THUMPD1: variants seen among roughly 807,000 people sequenced by gnomAD.
THUMPD1 encodes the protein THUMP domain 1 NAT10 acetyltransferase adaptor.
THUMPD1 carries 31 observed loss-of-function variants against 31.6 expected under a neutral mutation model. The observed-to-expected ratio is 0.98, with a 90% confidence interval of 0.74 to 1.32. The LOEUF (loss-of-function observed/expected upper bound fraction) is 1.32, where lower values mean the gene tolerates loss of function less well. THUMPD1 is among the 40% of genes most tolerant of loss of function. THUMPD1 has a pLI of 0.00. For missense variants in THUMPD1, 446 were observed against 427.8 expected, an observed-to-expected ratio of 1.04 and a Z score of -0.38; for synonymous variants, 166 against 158.2, an observed-to-expected ratio of 1.05 and a Z score of -0.37.
chr16:20,735,828 C>T lies in THUMPD1; in HGVS notation c.*1052G>A, dbSNP rs1297239690. The stretch of plus-strand genomic sequence containing the variant: ...ACCTTTTTTGCATCATATGACATAT[C>T]ATCAGTAAATCAACTTATTGAGAAT... On this transcript the variant is annotated 3_prime_UTR_variant, in exon 4 of 4. Transcript: ENST00000396083. 1 of 152,188 alleles carries T rather than the reference C, an allele frequency of 6.6e-6. No homozygotes were observed. Among genetic ancestry groups the T allele is most frequent in the Admixed American group, 6.5e-5 (1 of 15,286 alleles). 9.4% of individuals were successfully genotyped at this position (152,188 alleles called of 1,614,324 possible).
At position 20,738,945 on chromosome 16, in the gene THUMPD1, C is replaced by T; in HGVS notation, c.358G>A (p.Val120Met). 6.2e-7 allele frequency: 1 copy of T among 1,614,242 alleles called. No individual in the cohort carries two copies. Among genetic ancestry groups the T allele is most frequent in the South Asian group, 1.1e-5 (1 of 91,092 alleles). The change falls in exon 2 of 4, where the codon GTG (valine) becomes ATG (methionine). Residue 120 changes from valine to methionine, a missense_variant. Transcript: ENST00000396083. ...TEMRLRRFQSVESGANNVVFI... is the reference protein window; with the variant it reads ...TEMRLRRFQSMESGANNVVFI... ...ACAACGTTATTTGCTCCACTTTCCA[C>T]TGACTGGAATCTTCTTAACCTCATC...
At chr16:20,738,696 G>C (rs1180780440) in intron 2 of THUMPD1, 1 of 589,432 alleles carries the variant, frequency 1.7e-6, no homozygotes, top group Non-Finnish European at 3.0e-6. Context: ...AGCAAAGCCA[G>C]GTTTCCACTC....
chr16:20,739,657 C>T (rs1457334301), intron 1 of THUMPD1, among the ~76,000 whole-genome samples: 11 of 151,594 alleles, frequency 7.3e-5, no homozygotes, highest in Admixed American at 7.2e-4. Flanking sequence ...CTTGTCTCTA[C>T]TAAAAATACA....
rs1262506828 is a variant in THUMPD1, at chr16:20,735,689, T to G, written c.*1191A>C. 1 of 152,212 alleles carries G rather than the reference T, an allele frequency of 6.6e-6. No homozygotes were observed. The highest frequency in any genetic ancestry group is 2.4e-5 in the African/African-American group (1 of 41,464). 9.4% of individuals were successfully genotyped at this position (152,212 alleles called of 1,614,324 possible). Reference sequence around the variant, plus strand: ...TCCTAGCAATAGAAAAAGTTTTCTTTGAATTTCATCATTTACAAATCTTAC... The same window carrying G: ...TCCTAGCAATAGAAAAAGTTTTCTTGGAATTTCATCATTTACAAATCTTAC... On this transcript the variant is annotated 3_prime_UTR_variant, in exon 4 of 4. Transcript: ENST00000396083.
At chr16:20,738,809 A>G (rs1244997340) in intron 2 of THUMPD1, 88 bp downstream of exon 2, 1 of 1,481,478 alleles carries the variant, frequency 6.8e-7, no homozygotes, top group Admixed American at 1.8e-5. Flanking sequence ...AGTCATGCCC[A>G]AGAAGCCATT....
At chr16:20,741,481 G>GGGGGGGGGCCCC in intron 1 of THUMPD1, 28 bp downstream of exon 1, 1 of 1,308,412 alleles carries the variant, frequency 7.6e-7, no homozygotes, top group Non-Finnish European at 9.9e-7. Flanking sequence ...CTGGCAGCCG[G>GGGGGGGGGCCCC]CCCGCCCGCC....
At position 20,737,627 on chromosome 16, in the gene THUMPD1, A is replaced by G. The variant is rs1006233095; in HGVS notation, c.655+81T>C. ...TTCTACACTCAAAAATGTAAGCCTT[A>G]AATCTTTAAAAAGAAAAAAATCCTT... On this transcript the variant is annotated intron_variant, in intron 3 of 3. Coordinates refer to ENST00000396083, the MANE Select transcript of THUMPD1 (RefSeq NM_017736.5). 24 of 1,427,198 alleles carry G rather than the reference A, an allele frequency of 1.7e-5. No homozygotes were observed. In the African/African-American group the frequency reaches 3.3e-4, roughly 20 times the overall value. 88.4% of individuals were successfully genotyped at this position (1,427,198 alleles called of 1,614,324 possible). A position where few individuals can be genotyped will look rare whatever the true frequency, so the allele number is the denominator to read the frequency against.
At position 20,741,798 on chromosome 16, in the gene THUMPD1, C is replaced by G. The variant is rs1435312687; in HGVS notation, c.-59G>C. ...TCTCCGCTGCTGTTGGCGTCCTCGT[C>G]TATCGCCGGCGCGAACTGGTGACGT... On this transcript the variant is annotated 5_prime_UTR_variant, in exon 1 of 4. Transcript: ENST00000396083. 1.9e-6 allele frequency: 3 copies of G among 1,546,474 alleles called. No individual in the cohort carries two copies. Among genetic ancestry groups the G allele is most frequent in the Admixed American group, 3.9e-5 (2 of 50,988 alleles).
chr16:20,741,326 G>T (rs1056248910), intron 1 of THUMPD1, among the ~76,000 whole-genome samples, 183 bp downstream of exon 1: 1 of 152,224 alleles, frequency 6.6e-6, no homozygotes, highest in African/African-American at 2.4e-5. Context: ...GCACAAAACC[G>T]ATAGCACCGA....
intron 3 of THUMPD1, 40 bp from the exon 4 acceptor site, chr16:20,737,326 C>A (rs765138496): frequency 1.3e-5 from 20 of 1,548,620 alleles, no homozygotes; most frequent in Middle Eastern, 1.7e-4. Context: ...GAGGAGGATA[C>A]CATTACATCT....
rs1173343783 is a variant in THUMPD1 at position 20,738,957 on chromosome 16, T to C, written c.346A>G (p.Arg116Gly). Residue 116 changes from arginine (R) to glycine (G), a missense_variant, in exon 2 of 4, where the codon AGA becomes GGA. By Grantham distance (125) the Arg-to-Gly change is moderately radical. Coordinates refer to ENST00000396083, the MANE Select transcript of THUMPD1 (RefSeq NM_017736.5). ...GCTCCACTTTCCACTGACTGGAATC[T>C]TCTTAACCTCATCTCTGTAGATGCC... is the stretch of plus-strand genomic sequence containing the variant. ...IKASTEMRLRRFQSVESGANN... is the reference protein window; with the variant it reads ...IKASTEMRLRGFQSVESGANN... The C allele has an allele frequency of 6.2e-7, 1 of 1,614,192 alleles. No individual in the cohort carries two copies. Among genetic ancestry groups the C allele is most frequent in the East Asian group, 2.2e-5 (1 of 44,884 alleles).
chr16:20,736,788 A>T lies in THUMPD1; in HGVS notation c.*92T>A, dbSNP rs2079873350. The stretch of plus-strand genomic sequence containing the variant: ...ACAGCATAATGCAGCACACAAATAA[A>T]AAACTGTTTTTAGTCACAATTTAAG... On this transcript the variant is annotated 3_prime_UTR_variant, in exon 4 of 4. Coordinates refer to ENST00000396083, the MANE Select transcript of THUMPD1 (RefSeq NM_017736.5). 1.5e-6 allele frequency: 2 copies of T among 1,319,648 alleles called. No individual in the cohort carries two copies. Among genetic ancestry groups the T allele is most frequent in the Non-Finnish European group, 1.0e-6 (1 of 952,752 alleles). 81.7% of individuals were successfully genotyped at this position (1,319,648 alleles called of 1,614,324 possible). A position where few individuals can be genotyped will look rare whatever the true frequency, so the allele number is the denominator to read the frequency against.
chr16:20,736,630 A>C lies in THUMPD1; in HGVS notation c.*250T>G. 4.6e-6 allele frequency: 2 copies of C among 433,730 alleles called. No individual in the cohort carries two copies. Among genetic ancestry groups the C allele is most frequent in the Non-Finnish European group, 8.2e-6 (2 of 243,156 alleles). The allele number at this position is 433,730 out of a possible 1,614,324, so 26.9% of individuals were successfully genotyped here. On this transcript the variant is annotated 3_prime_UTR_variant, in exon 4 of 4. Coordinates refer to ENST00000396083, the MANE Select transcript of THUMPD1 (RefSeq NM_017736.5). ...GCAGAAGAGGAGCCTGGGAGAGGCC[A>C]ACATCCCCCTCCTATCCTCCCCTCT...
intron 3 of THUMPD1, 85 bp downstream of exon 3, chr16:20,737,623 C>T (rs1019815341): frequency 3.6e-6 from 5 of 1,371,500 alleles, no homozygotes; most frequent in Admixed American, 4.9e-5. Flanking sequence ...AAAATGTAAG[C>T]CTTAAATCTT....
chr16:20,741,481 G>GGGGGGGGGGGGGGGGCCCCCCC, intron 1 of THUMPD1, 28 bp downstream of exon 1: 1 of 1,308,412 alleles, frequency 7.6e-7, no homozygotes, highest in South Asian at 1.8e-5. Flanking sequence ...CTGGCAGCCG[G>GGGGGGGGGGGGGGGGCCCCCCC]CCCGCCCGCC....
chr16:20,736,751 A>G lies in THUMPD1; in HGVS notation c.*129T>C. 1 of 903,808 alleles carries G rather than the reference A, an allele frequency of 1.1e-6. No homozygotes were observed. Among genetic ancestry groups the G allele is most frequent in the East Asian group, 2.6e-5 (1 of 38,620 alleles). The allele number at this position is 903,808 out of a possible 1,614,324, so 56.0% of individuals were successfully genotyped here. On this transcript the variant is annotated 3_prime_UTR_variant, in exon 4 of 4. Coordinates refer to ENST00000396083, the MANE Select transcript of THUMPD1 (RefSeq NM_017736.5). Reference sequence around the variant, plus strand: ...TAACAGGGCTGCGCAATCATTGCTCACTACTGTGAGAACAGCATAATGCAG... The same window carrying G: ...TAACAGGGCTGCGCAATCATTGCTCGCTACTGTGAGAACAGCATAATGCAG...
In THUMPD1 at chr16:20,741,549, A is replaced by G. The variant is rs1384061668; in HGVS notation, c.191T>C (p.Leu64Pro). ...CATGTCGTCGCCGTATTCGTTGAGG[A>G]GGCTGTAGGCCTCCTCCACGCACTT... ...ERKCVEEAYSLLNEYGDDMYG... is the reference protein window; with the variant it reads ...ERKCVEEAYSPLNEYGDDMYG... Residue 64 changes from leucine to proline, a missense_variant, in exon 1 of 4, where the codon CTC (leucine) becomes CCC (proline). Physicochemically the swap from Leu to Pro is moderately conservative, Grantham distance 98 (BLOSUM62 -3). Transcript: ENST00000396083. 7.6e-7 allele frequency: 1 copy of G among 1,320,666 alleles called. No homozygotes were observed. The allele number at this position is 1,320,666 out of a possible 1,614,324, so 81.8% of individuals were successfully genotyped here. A position where few individuals can be genotyped will look rare whatever the true frequency, so the allele number is the denominator to read the frequency against.
chr16:20,737,847 A>G lies in THUMPD1; in HGVS notation c.516T>C (p.Phe172=), dbSNP rs746187383. ...MLPISGTCKA[F]LEDMKKYAET... is the part of the protein sequence containing the mutation. ...CTGCATATTTTTTCATATCTTCTAA[A>G]AAAGCCTTGCATGTGCCTGAGATGG... The change falls in exon 3 of 4, where the codon TTT becomes TTC. Residue 172 remains phenylalanine, a synonymous_variant. Coordinates refer to ENST00000396083, the MANE Select transcript of THUMPD1 (RefSeq NM_017736.5). 7 of 1,613,978 alleles carry G rather than the reference A, an allele frequency of 4.3e-6. 1 individual carries two copies. The South Asian group carries it at 7.7e-5, about 18-fold the overall frequency.
chr16:20,741,418 G>C, intron 1 of THUMPD1, 91 bp downstream of exon 1: 3 of 1,418,248 alleles, frequency 2.1e-6, no homozygotes, highest in Non-Finnish European at 2.8e-6. Context: ...GACCCGAGGC[G>C]CGCATGCCCA....
Sources: allele counts gnomAD v4.1 joint callset (sites outside exome capture counted in the v4.1 genomes callset), GRCh38; gene constraint gnomAD v4.1.1; transcripts MANE v1.5; gene names NCBI Gene and HGNC (gene_info 2026-07-23, HGNC 2026-07-21).